COPS5: variants seen among roughly 807,000 people sequenced by gnomAD.
COPS5 encodes the protein COP9 signalosome complex subunit 5.
In COPS5, 8 loss-of-function variants were observed where a neutral mutation model predicts 44.4. The ratio of observed to expected loss-of-function variants is 0.18; its 90% CI spans 0.11 to 0.32. COPS5 has a LOEUF of 0.32. COPS5 is among the 10% of genes least tolerant of loss of function. COPS5 has a pLI of 1.00. For missense variants in COPS5, 159 were observed against 406.4 expected, an observed-to-expected ratio of 0.39 and a Z score of 5.23; for synonymous variants, 122 against 142.8, an observed-to-expected ratio of 0.85 and a Z score of 1.04.
chr8:67,057,070 T>C (rs1468944419), intron 4 of COPS5, among the ~76,000 whole-genome samples: 2 of 152,302 alleles, frequency 1.3e-5, no homozygotes, highest in African/African-American at 2.4e-5. Flanking sequence ...AACATAAATG[T>C]ATTACCCTTT....
chr8:67,061,997 C>T lies in COPS5; in HGVS notation c.-1G>A, dbSNP rs1387244777. Reference sequence around the variant, plus strand: ...CCATACCGCTCCCGGACGCCGCCATCGCCGAGGAAGCGGAGAAGTTGTCGT... The same window carrying T: ...CCATACCGCTCCCGGACGCCGCCATTGCCGAGGAAGCGGAGAAGTTGTCGT... On this transcript the variant is annotated 5_prime_UTR_variant, in exon 1 of 8. Transcript: ENST00000357849. 1.2e-6 allele frequency: 2 copies of T among 1,614,116 alleles called. No individual in the cohort carries two copies. The highest frequency in any genetic ancestry group is 2.7e-5 in the African/African-American group (2 of 74,946).
In COPS5 at chr8:67,058,135, A is replaced by C; in HGVS notation, c.455T>G (p.Val152Gly). ...GYGCWLSGID[V>G]STQMLNQQFQ... ...CTGCTGATTGAGCATCTGAGTACTA[A>C]CATCAATCCCAGAAAGCCAGCAGCC... is the stretch of plus-strand genomic sequence containing the variant. The change falls in exon 3 of 8, where the codon GTT becomes GGT. Residue 152 changes from valine to glycine, a missense_variant. This residue lies in a region of COPS5 where 134 missense variants were observed against 376.7 expected (regional missense o/e 0.36). Coordinates refer to ENST00000357849, the MANE Select transcript of COPS5 (RefSeq NM_006837.3). The C allele has an allele frequency of 6.2e-7, 1 of 1,614,036 alleles. No homozygotes were observed. Among genetic ancestry groups the C allele is most frequent in the Non-Finnish European group, 8.5e-7 (1 of 1,179,888 alleles).
intron 7 of COPS5, 34 bp downstream of exon 7, chr8:67,045,778 A>T: frequency 6.2e-7 from 1 of 1,610,410 alleles, no homozygotes; most frequent in Non-Finnish European, 8.5e-7. Context: ...AAAAAGAGTT[A>T]GGGGCAACAG....
intron 5 of COPS5, among the ~76,000 whole-genome samples, chr8:67,051,911 A>T (rs1804420200): frequency 6.6e-6 from 1 of 152,182 alleles, no homozygotes; most frequent in Admixed American, 6.5e-5. Context: ...AAAAATACAT[A>T]TATTTTTAAG....
At chr8:67,044,976 A>ATAAT (rs1371027155) in intron 7 of COPS5, 1 of 152,186 alleles carries the variant, frequency 6.6e-6, no homozygotes, top group Non-Finnish European at 1.5e-5. Context: ...GAAGGTCCAC[A>ATAAT]TAATTATTTC....
At chr8:67,051,166 G>T in intron 6 of COPS5, 64 bp downstream of exon 6, 1 of 1,067,342 alleles carries the variant, frequency 9.4e-7, no homozygotes, top group Non-Finnish European at 1.5e-6. Context: ...CAGTGTTTCA[G>T]ATATTAAACG....
In COPS5 at chr8:67,056,609, A is replaced by G. The variant is rs1804504607; in HGVS notation, c.574-5T>C. 9.9e-7 allele frequency: 1 copy of G among 1,013,372 alleles called. No homozygotes were observed. Among genetic ancestry groups the G allele is most frequent in the Non-Finnish European group, 1.3e-6 (1 of 744,808 alleles). The allele number at this position is 1,013,372 out of a possible 1,614,324, so 62.8% of individuals were successfully genotyped here. A position where few individuals can be genotyped will look rare whatever the true frequency, so the allele number is the denominator to read the frequency against. On this transcript the variant is annotated splice_polypyrimidine_tract_variant and splice_region_variant and intron_variant, in intron 4 of 7. Coordinates refer to ENST00000357849, the MANE Select transcript of COPS5 (RefSeq NM_006837.3). ...TTCATCAGGAGGTTTGTAGCCCTAA[A>G]CAAAAATGAGGTAAACAGAAGATTA...
At chr8:67,045,297 C>T (rs1434510395) in intron 7 of COPS5, 2 of 152,360 alleles carry the variant, frequency 1.3e-5, no homozygotes, top group African/African-American at 4.8e-5. Flanking sequence ...ACAAAAAATA[C>T]AAAAAAATTA....
At chr8:67,050,163 G>A (rs570226827) in intron 6 of COPS5, among the ~76,000 whole-genome samples, 74 of 152,114 alleles carry the variant, frequency 4.9e-4, no homozygotes, top group African/African-American at 1.7e-3. Context: ...CACCTCGCCC[G>A]GCTAATTTTT....
chr8:67,061,193 C>G (rs1200157751), intron 1 of COPS5: 2 of 258,134 alleles, frequency 7.7e-6, no homozygotes, highest in Admixed American at 5.1e-5. Context: ...GGCAAAAGGT[C>G]TTAAGCTCTA....
chr8:67,061,307 T>G (rs1804614535), intron 1 of COPS5: 1 of 389,218 alleles, frequency 2.6e-6, no homozygotes, highest in African/African-American at 2.2e-5. Context: ...ATCAAAAAAC[T>G]ATTATAGGCC....
In COPS5 at chr8:67,048,641, G is replaced by T. The variant is rs148540203; in HGVS notation, c.771+2589C>A. Among the ~76,000 whole-genome samples the T allele has an allele frequency of 2.6e-3, 398 of 150,996 alleles. 6 individuals are homozygous for T. Among genetic ancestry groups the T allele is most frequent in the African/African-American group, 9.2e-3 (380 of 41,228 alleles). ...TGAGGCAGATAACTGCTTAAACCTG[G>T]AGGGGTGGAGGTTGCAGTGAGCTGA... On this transcript the variant is annotated intron_variant, in intron 6 of 7. Coordinates refer to ENST00000357849, the MANE Select transcript of COPS5 (RefSeq NM_006837.3).
Position 67,056,501 on chromosome 8 carries a change from T to C in COPS5, c.659+18A>G, listed in dbSNP as rs567699210. 3 of 956,352 alleles carry C rather than the reference T, an allele frequency of 3.1e-6. No homozygotes were observed. Among genetic ancestry groups the C allele is most frequent in the African/African-American group, 1.7e-5 (1 of 59,258 alleles). The allele number at this position is 956,352 out of a possible 1,614,324, so 59.2% of individuals were successfully genotyped here. ...TGAGTCACCGTGCCTGGCCCAGATA[T>C]GTTTTTAAATTACTTACTGTTTGCA... On this transcript the variant is annotated intron_variant, in intron 5 of 7. Coordinates refer to ENST00000357849, the MANE Select transcript of COPS5 (RefSeq NM_006837.3).
rs34629150 is a variant in COPS5 at position 67,050,558 on chromosome 8, AGT to A, written c.771+670_771+671del. 5.0e-3 allele frequency among the ~76,000 whole-genome samples: 707 copies of A among 140,608 alleles called. 2 individuals carry two copies. Among genetic ancestry groups the A allele is most frequent in the Non-Finnish European group, 5.7e-3 (366 of 63,886 alleles). The allele number at this position is 140,608 out of a possible 152,430, so 92.2% of individuals were successfully genotyped here. ...TTTTGCCCGGAAATATGTGAGTGTGAGTGTGTGTGTGTGTGTGTGTGTGTGTA... is the reference window on the plus strand; with the variant it reads ...TTTTGCCCGGAAATATGTGAGTGTGAGTGTGTGTGTGTGTGTGTGTGTGTA... On this transcript the variant is annotated intron_variant, in intron 6 of 7. Transcript: ENST00000357849.
chr8:67,050,356 C>A (rs1480670043), intron 6 of COPS5, among the ~76,000 whole-genome samples: 1 of 152,144 alleles, frequency 6.6e-6, no homozygotes, highest in African/African-American at 2.4e-5. Context: ...CTGATTCACT[C>A]TGGGAACCTC....
chr8:67,059,835 T>A (rs1342767468), intron 1 of COPS5: 1 of 192,754 alleles, frequency 5.2e-6, no homozygotes, highest in Non-Finnish European at 1.1e-5. Flanking sequence ...GAATGTGGGT[T>A]CTGACATTCA....
At position 67,045,578 on chromosome 8, in the gene COPS5, A is replaced by G. The variant is rs1424362231; in HGVS notation, c.920+234T>C. 9.8e-6 allele frequency: 5 copies of G among 511,538 alleles called. No homozygotes were observed. The East Asian group carries it at 1.6e-4, about 17-fold the overall frequency. 31.7% of individuals were successfully genotyped at this position (511,538 alleles called of 1,614,324 possible). A position where few individuals can be genotyped will look rare whatever the true frequency, so the allele number is the denominator to read the frequency against. On this transcript the variant is annotated intron_variant, in intron 7 of 7. Coordinates refer to ENST00000357849, the MANE Select transcript of COPS5 (RefSeq NM_006837.3). ...AAAAGGTGACTGGGAGTGTTCCGTA[A>G]CACTGCTTAGAACTTTGATTTAAGC...
chr8:67,045,697 A>G, intron 7 of COPS5, 115 bp downstream of exon 7: 3 of 1,015,716 alleles, frequency 3.0e-6, no homozygotes, highest in Non-Finnish European at 4.4e-6. Flanking sequence ...ATATTCAGGT[A>G]CCATTCTAAG....
At chr8:67,050,126 C>T (rs1244837598) in intron 6 of COPS5, among the ~76,000 whole-genome samples, 5 of 152,168 alleles carry the variant, frequency 3.3e-5, no homozygotes, top group South Asian at 2.1e-4. Flanking sequence ...CTCAGCCTCC[C>T]GCGCAGCTGG....
Sources: allele counts gnomAD v4.1 joint callset (sites outside exome capture counted in the v4.1 genomes callset), GRCh38; gene constraint gnomAD v4.1.1; regional missense constraint gnomAD v4.1.1; transcripts MANE v1.5; gene names NCBI Gene and HGNC (gene_info 2026-07-23, HGNC 2026-07-21).